Variants in GPC3 observed in about 807,000 individuals in gnomAD.
GPC3 encodes the protein glypican 3, also known as glypican-3.
In GPC3, 3 loss-of-function variants were observed where a neutral mutation model predicts 34.4. The observed-to-expected ratio is 0.09, with a 90% CI of 0.04 to 0.23. The LOEUF (loss-of-function observed/expected upper bound fraction) is 0.23, where lower values mean the gene tolerates loss of function less well. GPC3 is among the 10% of genes least tolerant of loss of function. The pLI is 1.00. For synonymous variants in GPC3, 177 were observed against 174.0 expected (o/e 1.02, Z -0.13); for missense variants, 351 against 445.6 (o/e 0.79, Z 1.91).
intron 2 of GPC3, among the ~76,000 whole-genome samples, chrX:133,912,293 C>T (rs1284512981): frequency 8.9e-6 from 1 of 112,110 alleles, no homozygotes; most frequent in Non-Finnish European, 1.9e-5. Context: ...ATGGGAAGGT[C>T]CCGTTTGGGA....
intron 2 of GPC3, among the ~76,000 whole-genome samples, chrX:133,871,594 A>T (rs2075994144): frequency 8.9e-6 from 1 of 112,236 alleles, no homozygotes; most frequent in Non-Finnish European, 1.9e-5. Flanking sequence ...CCCCCAAAAG[A>T]ATTTCCCTTT....
chrX:133,574,353 AAAAG>A (rs745425823), intron 7 of GPC3, among the ~76,000 whole-genome samples: 14 of 106,764 alleles, frequency 1.3e-4, no homozygotes, highest in Admixed American at 4.0e-4. Context: ...TATTGAGAAA[AAAAG>A]AGAGAGAGAG....
intron 7 of GPC3, among the ~76,000 whole-genome samples, chrX:133,538,642 G>T (rs2069315702): frequency 9.8e-6 from 1 of 101,821 alleles, no homozygotes. Context: ...TGCCAGTAAA[G>T]ACCTCTTCTG....
chrX:133,891,097 C>T (rs1301963936), intron 2 of GPC3, among the ~76,000 whole-genome samples: 2 of 110,238 alleles, frequency 1.8e-5, no homozygotes, highest in African/African-American at 6.6e-5. Context: ...TATTATATAG[C>T]CATAAAAAGG....
intron 6 of GPC3, among the ~76,000 whole-genome samples, chrX:133,602,201 G>A (rs1048056036): frequency 1.8e-5 from 2 of 111,794 alleles, no homozygotes; most frequent in African/African-American, 6.5e-5. Flanking sequence ...TCGCTCATAT[G>A]TAGGAGCTAA....
chrX:133,726,154 A>T (rs1275451168), intron 3 of GPC3, among the ~76,000 whole-genome samples: 2 of 111,947 alleles, frequency 1.8e-5, no homozygotes, highest in Admixed American at 1.9e-4. Flanking sequence ...AATATACAAA[A>T]CAGTATCTGC....
chrX:133,859,592 G>A (rs764887732), intron 2 of GPC3, among the ~76,000 whole-genome samples: 1 of 111,737 alleles, frequency 8.9e-6, no homozygotes, highest in African/African-American at 3.3e-5. Context: ...AAACAAGGAC[G>A]AGTCTGGGCA....
chrX:133,681,216 G>A (rs1490873487), intron 5 of GPC3, among the ~76,000 whole-genome samples: 1 of 111,748 alleles, frequency 8.9e-6, no homozygotes, highest in Non-Finnish European at 1.9e-5. Flanking sequence ...TCAACAATCT[G>A]TTAAGGGAGA....
At chrX:133,946,250 T>C (rs2076368136) in intron 2 of GPC3, among the ~76,000 whole-genome samples, 1 of 111,757 alleles carries the variant, frequency 8.9e-6, no homozygotes, top group South Asian at 3.8e-4. Context: ...GTATCACACA[T>C]ATAGCACTGT....
At position 133,893,253 on chromosome X, in the gene GPC3, G is replaced by A. The variant is rs181347488; in HGVS notation, c.337+59797C>T. ...GCCTGGGCAACAAGAGCAAAACTCCGTTTCAAAAAAGAGAAAGCTCTCAGT... is the reference window on the plus strand; with the variant it reads ...GCCTGGGCAACAAGAGCAAAACTCCATTTCAAAAAAGAGAAAGCTCTCAGT... On this transcript the variant is annotated intron_variant, in intron 2 of 7. Coordinates refer to ENST00000370818, the MANE Select transcript of GPC3 (RefSeq NM_004484.4). Among the ~76,000 whole-genome samples, 11 of 110,989 alleles carry A rather than the reference G, an allele frequency of 9.9e-5. No homozygotes were observed. In the South Asian group the frequency reaches 1.5e-3, roughly 16 times the overall value.
chrX:133,868,563 T>C (rs1273071630), intron 2 of GPC3, among the ~76,000 whole-genome samples: 1 of 111,997 alleles, frequency 8.9e-6, no homozygotes, highest in African/African-American at 3.2e-5. Context: ...AATTAGCTGC[T>C]AAAATACAAG....
intron 5 of GPC3, among the ~76,000 whole-genome samples, chrX:133,684,849 T>TA (rs2070982546): frequency 9.0e-6 from 1 of 111,058 alleles, no homozygotes; most frequent in South Asian, 3.8e-4. Context: ...TTTATATGTA[T>TA]GTGTGAGTAT....
At chrX:133,967,810 T>G (rs2076470665) in intron 1 of GPC3, among the ~76,000 whole-genome samples, 1 of 111,787 alleles carries the variant, frequency 8.9e-6, no homozygotes, top group South Asian at 3.7e-4. Flanking sequence ...TTTTTTATTT[T>G]TGTAGAGATG....
chrX:133,862,947 G>A (rs1421354963), intron 2 of GPC3, among the ~76,000 whole-genome samples: 1 of 112,626 alleles, frequency 8.9e-6, no homozygotes, highest in East Asian at 2.8e-4. Context: ...TGTAGAAGCC[G>A]TTGCTCACAC....
chrX:133,676,165 C>G (rs764998258), intron 5 of GPC3, among the ~76,000 whole-genome samples: 2 of 112,197 alleles, frequency 1.8e-5, no homozygotes, highest in East Asian at 2.8e-4. Context: ...GAAGGGACTA[C>G]CAAGAATAAG....
rs763800129 is a variant in GPC3 at position 133,654,785 on chromosome X, C to A, written c.1413+6945G>T. 1.1e-4 allele frequency among the ~76,000 whole-genome samples: 12 copies of A among 111,449 alleles called. No individual in the cohort carries two copies. The South Asian group carries it at 4.5e-3, about 42-fold the overall frequency. Reference sequence around the variant, plus strand: ...GGTAAATGTAAATACAATAGGAGACCCTATGAATTTCATAGAAAATTTAGA... The same window carrying A: ...GGTAAATGTAAATACAATAGGAGACACTATGAATTTCATAGAAAATTTAGA... On this transcript the variant is annotated intron_variant, in intron 6 of 7. Coordinates refer to ENST00000370818, the MANE Select transcript of GPC3 (RefSeq NM_004484.4).
chrX:133,746,663 T>G (rs1485610995), intron 3 of GPC3, among the ~76,000 whole-genome samples: 1 of 112,420 alleles, frequency 8.9e-6, no homozygotes, highest in East Asian at 2.8e-4. Context: ...TTTCCAGAAA[T>G]AAACCTTGTG....
chrX:133,536,116 C>T lies in GPC3; in HGVS notation c.*8G>A, dbSNP rs1316786250. On this transcript the variant is annotated 3_prime_UTR_variant, in exon 8 of 8. Transcript: ENST00000370818. The stretch of plus-strand genomic sequence containing the variant: ...TGTAGGGCAGCACATGTGCTGGGCA[C>T]CAGGCAGTCAGTGCACCAGGAAGAA... 8.4e-7 allele frequency: 1 copy of T among 1,194,925 alleles called. No homozygotes were observed. Among genetic ancestry groups the T allele is most frequent in the Non-Finnish European group, 1.1e-6 (1 of 882,289 alleles).
chrX:133,974,444 ATGTG>A (rs754612796), intron 1 of GPC3, among the ~76,000 whole-genome samples: 1 of 112,502 alleles, frequency 8.9e-6, no homozygotes, highest in Non-Finnish European at 1.9e-5. Context: ...CTACATAGAG[ATGTG>A]TGTGTATGCA....
Sources: allele counts gnomAD v4.1 joint callset (sites outside exome capture counted in the v4.1 genomes callset), GRCh38; gene constraint gnomAD v4.1.1; transcripts MANE v1.5; gene names NCBI Gene and HGNC (gene_info 2026-07-23, HGNC 2026-07-21).